CSGALNACT1: variants seen among roughly 807,000 people sequenced by gnomAD.
CSGALNACT1 encodes the protein chondroitin sulfate N-acetylgalactosaminyltransferase 1.
A neutral mutation model predicts 51.0 loss-of-function variants in CSGALNACT1; 52 were observed. The ratio of observed to expected loss-of-function variants is 1.02; its 90% CI spans 0.82 to 1.29. CSGALNACT1 has a LOEUF of 1.29. CSGALNACT1 is among the 50% of genes most tolerant of loss of function. The pLI, the probability that CSGALNACT1 is intolerant of heterozygous loss-of-function variation, is 0.00. For missense variants in CSGALNACT1, 935 were observed against 679.2 expected, an observed-to-expected ratio of 1.38 and a Z score of -4.19; for synonymous variants, 341 against 254.4, an observed-to-expected ratio of 1.34 and a Z score of -3.24.
chr8:19,604,718 T>C (rs1248014023), upstream of CSGALNACT1, among the ~76,000 whole-genome samples: 1 of 144,536 alleles, frequency 6.9e-6, no homozygotes. Context: ...CCATCCTGGC[T>C]AACACAGTGA....
Position 19,733,054 on chromosome 8 carries a change from G to A in CSGALNACT1, c.-297+24796C>T, listed in dbSNP as rs184206717. Among the ~76,000 whole-genome samples the A allele has an allele frequency of 3.9e-4, 60 of 152,266 alleles. 1 individual carries two copies. The highest frequency in any genetic ancestry group is 1.3e-4 in the Non-Finnish European group (9 of 68,014). On this transcript the variant is annotated intron_variant, in intron 1 of 1. Transcript: ENST00000517494. Reference sequence around the variant, plus strand: ...CCTTTACCCTGTTATATTAGAAATGGTACAGTGCTGAAAGAGGATTTCTGA... The same window carrying A: ...CCTTTACCCTGTTATATTAGAAATGATACAGTGCTGAAAGAGGATTTCTGA...
At chr8:19,468,864 G>T (rs1406640740) in intron 4 of CSGALNACT1, among the ~76,000 whole-genome samples, 2 of 152,176 alleles carry the variant, frequency 1.3e-5, no homozygotes, top group Non-Finnish European at 2.9e-5. Context: ...ATGTGGGTCA[G>T]GTCAGCCAGG....
At chr8:19,666,999 GA>G (rs1427911438) in intron 1 of CSGALNACT1, among the ~76,000 whole-genome samples, 76 of 25,990 alleles carry the variant, frequency 2.9e-3, no homozygotes, top group Admixed American at 4.0e-3. Flanking sequence ...AAGAAAGAAA[GA>G]AAGAAAGAAA....
chr8:19,566,067 T>C (rs2041846972), intron 3 of CSGALNACT1, among the ~76,000 whole-genome samples: 1 of 152,230 alleles, frequency 6.6e-6, no homozygotes, highest in Non-Finnish European at 1.5e-5. Context: ...TGTCTCCTAA[T>C]CCATAAAACC....
chr8:19,578,893 C>G (rs2154119385), intron 3 of CSGALNACT1, among the ~76,000 whole-genome samples: 1 of 152,262 alleles, frequency 6.6e-6, no homozygotes, highest in Non-Finnish European at 1.5e-5. Flanking sequence ...ACCACCCTCT[C>G]CTTCCTTACA....
At chr8:19,713,500 A>C (rs1032360930) in intron 1 of CSGALNACT1, among the ~76,000 whole-genome samples, 1 of 152,182 alleles carries the variant, frequency 6.6e-6, no homozygotes, top group African/African-American at 2.4e-5. Context: ...TTTGGAAATA[A>C]GGTTGCTTCA....
chr8:19,738,723 C>A (rs893493565), intron 1 of CSGALNACT1, among the ~76,000 whole-genome samples: 1 of 152,038 alleles, frequency 6.6e-6, no homozygotes, highest in African/African-American at 2.4e-5. Flanking sequence ...TAAGGGCTGG[C>A]CAAGCATCAC....
intron 1 of CSGALNACT1, among the ~76,000 whole-genome samples, chr8:19,755,434 G>A (rs1470108321): frequency 3.2e-5 from 3 of 94,438 alleles, no homozygotes; most frequent in African/African-American, 7.3e-5. Context: ...TGGAGTTGGG[G>A]ATCCCTAAAT....
chr8:19,418,388 G>A (rs2057295860), intron 8 of CSGALNACT1, among the ~76,000 whole-genome samples: 1 of 152,156 alleles, frequency 6.6e-6, no homozygotes, highest in Non-Finnish European at 1.5e-5. Flanking sequence ...AACAATACCA[G>A]TTTCCAAAAA....
At chr8:19,542,327 C>G (rs2085401875) in intron 3 of CSGALNACT1, among the ~76,000 whole-genome samples, 1 of 152,054 alleles carries the variant, frequency 6.6e-6, no homozygotes, top group Non-Finnish European at 1.5e-5. Context: ...CAAACCAGGA[C>G]TGTGTCACTT....
intron 5 of CSGALNACT1, among the ~76,000 whole-genome samples, chr8:19,452,469 A>G (rs1024339165): frequency 2.6e-5 from 4 of 151,788 alleles, no homozygotes; most frequent in African/African-American, 9.7e-5. Flanking sequence ...AAAGGAAAAA[A>G]GCTAATCACA....
intron 4 of CSGALNACT1, among the ~76,000 whole-genome samples, chr8:19,471,410 G>A (rs1250030300): frequency 6.6e-6 from 1 of 151,752 alleles, no homozygotes; most frequent in Non-Finnish European, 1.5e-5. Context: ...TTCTCTCTTG[G>A]ACCCTCAGGT....
At chr8:19,548,774 T>G (rs1330137567) in intron 3 of CSGALNACT1, among the ~76,000 whole-genome samples, 1 of 152,302 alleles carries the variant, frequency 6.6e-6, no homozygotes, top group East Asian at 1.9e-4. Flanking sequence ...TTAGCTGTTT[T>G]CTTTAGTATT....
chr8:19,474,703 T>G (rs1245109175), intron 4 of CSGALNACT1, among the ~76,000 whole-genome samples: 1 of 151,666 alleles, frequency 6.6e-6, no homozygotes, highest in Non-Finnish European at 1.5e-5. Flanking sequence ...ACCCCGTCTT[T>G]ACTAAAAATA....
At chr8:19,429,172 TTTG>T (rs545275109) in intron 6 of CSGALNACT1, among the ~76,000 whole-genome samples, 88 of 152,190 alleles carry the variant, frequency 5.8e-4, no homozygotes, top group Middle Eastern at 6.8e-3. Context: ...ATCAACCTTT[TTTG>T]TTGTTGTTGT....
intron 1 of CSGALNACT1, among the ~76,000 whole-genome samples, chr8:19,706,535 A>C (rs1402436010): frequency 6.6e-6 from 1 of 152,180 alleles, no homozygotes; most frequent in Non-Finnish European, 1.5e-5. Flanking sequence ...CAAGTCCACA[A>C]AACACCCAGA....
At chr8:19,443,381 T>C (rs2061630089) in intron 5 of CSGALNACT1, among the ~76,000 whole-genome samples, 1 of 152,216 alleles carries the variant, frequency 6.6e-6, no homozygotes, top group South Asian at 2.1e-4. Flanking sequence ...GTGTACAGTT[T>C]CCCCTCAGTA....
intron 1 of CSGALNACT1, among the ~76,000 whole-genome samples, chr8:19,675,395 C>T (rs2060100870): frequency 6.6e-6 from 1 of 152,154 alleles, no homozygotes; most frequent in South Asian, 2.1e-4. Flanking sequence ...ATAAATCTTA[C>T]AGAAATCAAA....
At chr8:19,685,207 T>C (rs745612915), upstream of CSGALNACT1, among the ~76,000 whole-genome samples, 3 of 152,236 alleles carry the variant, frequency 2.0e-5, no homozygotes, top group Non-Finnish European at 4.4e-5. Context: ...TTATTCCCAG[T>C]TGGCAAGATA....
Sources: allele counts gnomAD v4.1 joint callset (sites outside exome capture counted in the v4.1 genomes callset), GRCh38; gene constraint gnomAD v4.1.1; transcripts MANE v1.5; gene names NCBI Gene and HGNC (gene_info 2026-07-23, HGNC 2026-07-21).